The following FNTA variants were observed in gnomAD, a reference collection of about 807,000 sequenced individuals.
FNTA encodes farnesyltransferase, CAAX box, subunit alpha.
In FNTA, 27 loss-of-function variants were observed where a neutral mutation model predicts 55.2. The ratio of observed to expected loss-of-function variants is 0.49; its 90% confidence interval spans 0.36 to 0.67. The LOEUF (loss-of-function observed/expected upper bound fraction) is 0.67, where lower values mean the gene tolerates loss of function less well. Among genes scored for constraint, FNTA ranks in the 30% least tolerant of loss-of-function variants. The pLI is 0.00. For synonymous variants in FNTA, 176 were observed against 170.7 expected, an observed-to-expected ratio of 1.03 and a Z score of -0.24; for missense variants, 422 against 464.7, an observed-to-expected ratio of 0.91 and a Z score of 0.85.
chr8:43,071,186 T>C (rs766422445), intron 4 of FNTA, among the ~76,000 whole-genome samples: 6 of 152,196 alleles, frequency 3.9e-5, no homozygotes, highest in Non-Finnish European at 5.9e-5. Context: ...TATTGAGATA[T>C]AGTTCACTTA....
chr8:43,056,328 A>C lies in FNTA; in HGVS notation c.-19A>C, dbSNP rs1057217802. On this transcript the variant is annotated 5_prime_UTR_variant, in exon 1 of 9. Coordinates refer to ENST00000302279, the MANE Select transcript of FNTA (RefSeq NM_002027.3). Reference sequence around the variant, plus strand: ...GGGGCGGGGCCTCCGCCACCACCTCAGCTGCGGACCGAGGCGAGATGGCGG... The same window carrying C: ...GGGGCGGGGCCTCCGCCACCACCTCCGCTGCGGACCGAGGCGAGATGGCGG... The C allele has an allele frequency of 5.7e-6, 8 of 1,394,272 alleles. No homozygotes were observed. The South Asian group carries it at 6.5e-5, about 11-fold the overall frequency. 86.4% of individuals were successfully genotyped at this position (1,394,272 alleles called of 1,614,324 possible). A position where few individuals can be genotyped will look rare whatever the true frequency, so the allele number is the denominator to read the frequency against.
At chr8:43,062,177 G>GTGTC (rs754543785) in intron 2 of FNTA, among the ~76,000 whole-genome samples, 1 of 17,624 alleles carries the variant, frequency 5.7e-5, no homozygotes, top group African/African-American at 8.6e-5. Context: ...TGTTTTATGT[G>GTGTC]TGTGTGTGTG....
intron 6 of FNTA, chr8:43,079,719 A>G (rs1415184038): frequency 1.3e-5 from 2 of 152,240 alleles, no homozygotes; most frequent in East Asian, 1.9e-4. Context: ...GCTATGAGCT[A>G]CCATAGATAG....
chr8:43,064,679 G>A (rs1333163063), intron 3 of FNTA, among the ~76,000 whole-genome samples: 2 of 151,916 alleles, frequency 1.3e-5, no homozygotes, highest in Non-Finnish European at 2.9e-5. Flanking sequence ...ATGAAAAGTA[G>A]CAATCTCTAG....
At position 43,061,970 on chromosome 8, in the gene FNTA, C is replaced by T. The variant is rs549567815; in HGVS notation, c.287-2131C>T. ...CCGACCTCAGGTGATCCGCCCACCT[C>T]GGCCTCCCAGAGTGCTGGGATTACA... On this transcript the variant is annotated intron_variant, in intron 2 of 8. Coordinates refer to ENST00000302279, the MANE Select transcript of FNTA (RefSeq NM_002027.3). Among the ~76,000 whole-genome samples the T allele has an allele frequency of 3.3e-5, 5 of 152,264 alleles. No individual in the cohort carries two copies. In the South Asian group the frequency reaches 6.2e-4, roughly 19 times the overall value.
intron 6 of FNTA, chr8:43,080,385 G>T (rs1442054718): frequency 1.3e-5 from 2 of 152,230 alleles, no homozygotes; most frequent in African/African-American, 2.4e-5. Flanking sequence ...ATTACGACTT[G>T]CTGAAGGCTC....
chr8:43,081,768 T>C (rs1422446969), intron 6 of FNTA: 1 of 152,230 alleles, frequency 6.6e-6, no homozygotes, highest in African/African-American at 2.4e-5. Context: ...CTCACTATGT[T>C]GCCCAGACTG....
At chr8:43,073,249 TAATCAC>T (rs1469654175) in intron 5 of FNTA, among the ~76,000 whole-genome samples, 1 of 152,196 alleles carries the variant, frequency 6.6e-6, no homozygotes, top group East Asian at 1.9e-4. Flanking sequence ...CTGAAAAACT[TAATCAC>T]ATAAAAGCAT....
Position 43,056,399 on chromosome 8 carries a change from A to G in FNTA, c.53A>G (p.Gln18Arg), listed in dbSNP as rs770867137. The G allele has an allele frequency of 1.3e-6, 2 of 1,510,370 alleles. No individual in the cohort carries two copies. The highest frequency in any genetic ancestry group is 2.1e-5 in the Admixed American group (1 of 46,834). 93.6% of individuals were successfully genotyped at this position (1,510,370 alleles called of 1,614,324 possible). ...GEAAQGGEPG[Q>R]PAQPPPQPHP... is the part of the protein sequence containing the mutation. Reference sequence around the variant, plus strand: ...GCTGCGCAAGGGGGCGAGCCCGGGCAGCCGGCGCAACCCCCGCCCCAGCCG... The same window carrying G: ...GCTGCGCAAGGGGGCGAGCCCGGGCGGCCGGCGCAACCCCCGCCCCAGCCG... Residue 18 changes from glutamine (Q) to arginine (R), a missense_variant, in exon 1 of 9, where the codon CAG (glutamine) becomes CGG (arginine). Gln to Arg is a conservative substitution (Grantham distance 43). Coordinates refer to ENST00000302279, the MANE Select transcript of FNTA (RefSeq NM_002027.3).
intron 3 of FNTA, among the ~76,000 whole-genome samples, chr8:43,068,672 C>G (rs913446861): frequency 6.6e-6 from 1 of 152,162 alleles, no homozygotes; most frequent in African/African-American, 2.4e-5. Context: ...ACTTAAGAAT[C>G]AGAAATTTAC....
intron 1 of FNTA, 120 bp from the exon 2 acceptor site, chr8:43,058,972 T>C: frequency 1.5e-6 from 1 of 684,342 alleles, no homozygotes; most frequent in African/African-American, 1.8e-5. Flanking sequence ...ATGATTACAT[T>C]ATGAGCCCTG....
At chr8:43,066,049 A>G (rs1810650763) in intron 3 of FNTA, among the ~76,000 whole-genome samples, 1 of 150,680 alleles carries the variant, frequency 6.6e-6, no homozygotes, top group Non-Finnish European at 1.5e-5. Context: ...GGTTCTTCTG[A>G]TAATTTCTTC....
At chr8:43,070,665 T>C (rs1053882344) in intron 4 of FNTA, among the ~76,000 whole-genome samples, 4 of 152,260 alleles carry the variant, frequency 2.6e-5, no homozygotes, top group African/African-American at 9.6e-5. Context: ...GTAGCTGCTA[T>C]GGAAAGCCCA....
At chr8:43,084,585 GTCAT>G (rs780729723) in intron 7 of FNTA, 121 bp from the exon 8 acceptor site, 54 of 683,386 alleles carry the variant, frequency 7.9e-5, no homozygotes, top group Middle Eastern at 4.1e-4. Flanking sequence ...TAGTTTCAGC[GTCAT>G]TCATTCAAAA....
intron 5 of FNTA, among the ~76,000 whole-genome samples, chr8:43,075,059 T>C (rs1810878721): frequency 6.6e-6 from 1 of 152,230 alleles, no homozygotes; most frequent in Non-Finnish European, 1.5e-5. Flanking sequence ...CACTGTGTTA[T>C]TTTTATAACT....
chr8:43,064,306 C>T, intron 3 of FNTA, 91 bp downstream of exon 3: 1 of 818,390 alleles, frequency 1.2e-6, no homozygotes, highest in Non-Finnish European at 2.0e-6. Context: ...TTTTTTTAAA[C>T]TGTACTTTAT....
intron 2 of FNTA, among the ~76,000 whole-genome samples, chr8:43,063,803 A>G (rs1403785373): frequency 6.6e-6 from 1 of 152,236 alleles, no homozygotes; most frequent in Non-Finnish European, 1.5e-5. Flanking sequence ...ATTTGAATAT[A>G]TGCAACCCTA....
chr8:43,073,129 T>C (rs1239783711), intron 5 of FNTA, among the ~76,000 whole-genome samples: 2 of 152,224 alleles, frequency 1.3e-5, no homozygotes, highest in Non-Finnish European at 2.9e-5. Flanking sequence ...CACTATTCAT[T>C]AGACCAAGAG....
intron 3 of FNTA, among the ~76,000 whole-genome samples, chr8:43,065,776 C>T (rs2130549597): frequency 6.6e-6 from 1 of 151,450 alleles, no homozygotes; most frequent in Admixed American, 6.5e-5. Context: ...AGATCGTATA[C>T]CTTTCTCTTT....
Sources: gnomAD v4.1 joint callset for allele counts (sites outside exome capture counted in the v4.1 genomes callset) on GRCh38, gnomAD v4.1.1 for gene constraint, MANE v1.5 for transcripts, NCBI Gene and HGNC (gene_info 2026-07-23, HGNC 2026-07-21) for gene names.